Variants in ADAM22 observed in about 807,000 individuals in gnomAD.
The protein encoded by ADAM22 is ADAM metallopeptidase domain 22.
A neutral mutation model predicts 144.6 loss-of-function variants in ADAM22; 65 were observed. That is an observed-to-expected ratio of 0.45 (90% confidence interval 0.37 to 0.55). The LOEUF (loss-of-function observed/expected upper bound fraction) is 0.55. Ranked by LOEUF, ADAM22 falls within the 20% of genes least tolerant of loss-of-function variation. The pLI is 0.00. For missense variants in ADAM22, 974 were observed against 1,184.9 expected (o/e 0.82, Z 2.61); for synonymous variants, 391 against 412.6 (o/e 0.95, Z 0.63).
chr7:88,025,577 C>T (rs1798826007), intron 3 of ADAM22, among the ~76,000 whole-genome samples: 1 of 152,066 alleles, frequency 6.6e-6, no homozygotes, highest in Admixed American at 6.6e-5. Flanking sequence ...CGTTTCATTC[C>T]TCTATATGGA....
chr7:87,972,785 A>G (rs541508605), intron 2 of ADAM22, among the ~76,000 whole-genome samples: 111 of 152,264 alleles, frequency 7.3e-4, no homozygotes, highest in African/African-American at 2.4e-3. Context: ...CAGAAATAAC[A>G]CCGCATATCT....
intron 3 of ADAM22, among the ~76,000 whole-genome samples, chr7:88,011,151 A>G (rs1278935854): frequency 6.6e-6 from 1 of 152,252 alleles, no homozygotes; most frequent in East Asian, 1.9e-4. Flanking sequence ...CAGAGGGCTC[A>G]GAAACTTTCA....
chr7:88,137,109 G>A (rs1255670122), intron 14 of ADAM22, among the ~76,000 whole-genome samples: 1 of 152,110 alleles, frequency 6.6e-6, no homozygotes, highest in Non-Finnish European at 1.5e-5. Context: ...TGTATAGTAT[G>A]TATGTGTGTT....
chr7:87,941,369 C>T (rs1029095831), intron 2 of ADAM22, among the ~76,000 whole-genome samples: 2 of 152,166 alleles, frequency 1.3e-5, no homozygotes, highest in Non-Finnish European at 2.9e-5. Context: ...ATGAGCTGTA[C>T]TTTACATTGT....
At chr7:88,074,777 G>T (rs1250351892) in intron 3 of ADAM22, among the ~76,000 whole-genome samples, 3 of 152,076 alleles carry the variant, frequency 2.0e-5, no homozygotes, top group Non-Finnish European at 4.4e-5. Flanking sequence ...GCAATTGTAG[G>T]CATGGTGCTT....
At chr7:88,122,683 C>T (rs1255642437) in intron 7 of ADAM22, among the ~76,000 whole-genome samples, 1 of 152,124 alleles carries the variant, frequency 6.6e-6, no homozygotes, top group Non-Finnish European at 1.5e-5. Flanking sequence ...AAGTTATCTG[C>T]CCTATGTAGT....
At chr7:88,145,543 A>G in intron 17 of ADAM22, 36 bp downstream of exon 17, 1 of 1,501,124 alleles carries the variant, frequency 6.7e-7, no homozygotes, top group South Asian at 1.1e-5. Flanking sequence ...ACAGAAAAAA[A>G]GGACATACTT....
chr7:87,966,306 C>T (rs1182825572), intron 2 of ADAM22, among the ~76,000 whole-genome samples: 4 of 152,032 alleles, frequency 2.6e-5, no homozygotes, highest in Admixed American at 1.3e-4. Flanking sequence ...AATTATAGCT[C>T]GATACAACTA....
chr7:88,194,866 C>A (rs537216650), intron 31 of ADAM22, among the ~76,000 whole-genome samples: 1 of 152,266 alleles, frequency 6.6e-6, no homozygotes, highest in Admixed American at 6.5e-5. Context: ...AAGATCCTCA[C>A]AGTTCAGATA....
At chr7:88,159,309 C>T (rs981868076) in intron 22 of ADAM22, among the ~76,000 whole-genome samples, 1 of 152,134 alleles carries the variant, frequency 6.6e-6, no homozygotes, top group Non-Finnish European at 1.5e-5. Flanking sequence ...AGACTCACAG[C>T]TGAATTCTAC....
chr7:88,159,660 T>C (rs1841008290), intron 22 of ADAM22, among the ~76,000 whole-genome samples: 1 of 152,152 alleles, frequency 6.6e-6, no homozygotes, highest in Non-Finnish European at 1.5e-5. Context: ...AAAAACCACA[T>C]GATTATCTCA....
chr7:87,969,054 C>T (rs969698315), intron 2 of ADAM22, among the ~76,000 whole-genome samples: 2 of 152,176 alleles, frequency 1.3e-5, no homozygotes, highest in Non-Finnish European at 2.9e-5. Context: ...ATGATGTAGT[C>T]ACTGTGCACC....
intron 4 of ADAM22, among the ~76,000 whole-genome samples, chr7:88,099,492 CCTTTGCTTTGAAGGGAGATTGT>C (rs1049898920): frequency 6.6e-6 from 1 of 152,032 alleles, no homozygotes; most frequent in Non-Finnish European, 1.5e-5. Context: ...ACATGCCTGC[CCTTTGCTTTGAAGGGAGATTGT>C]CTCCATCTTC....
intron 25 of ADAM22, among the ~76,000 whole-genome samples, chr7:88,170,365 T>C (rs1844017297): frequency 6.6e-6 from 1 of 151,922 alleles, no homozygotes; most frequent in South Asian, 2.1e-4. Flanking sequence ...AAAACCCCAT[T>C]TAGAACCTGA....
At chr7:88,013,479 C>G (rs1168264360) in intron 3 of ADAM22, among the ~76,000 whole-genome samples, 1 of 152,138 alleles carries the variant, frequency 6.6e-6, no homozygotes, top group East Asian at 1.9e-4. Context: ...GGCTGGAGTG[C>G]AGTGATACAG....
chr7:88,130,569 C>A, intron 10 of ADAM22, 110 bp downstream of exon 10: 1 of 1,045,640 alleles, frequency 9.6e-7, no homozygotes, highest in Non-Finnish European at 1.4e-6. Flanking sequence ...TGCACTTCAG[C>A]CAAGGTGTCT....
At chr7:88,140,381 T>A (rs1834247979) in intron 14 of ADAM22, among the ~76,000 whole-genome samples, 1 of 152,044 alleles carries the variant, frequency 6.6e-6, no homozygotes, top group African/African-American at 2.4e-5. Context: ...GACCTAAGGG[T>A]CCACGGCAAC....
At chr7:87,990,416 T>TA (rs1789511405) in intron 3 of ADAM22, among the ~76,000 whole-genome samples, 1 of 152,170 alleles carries the variant, frequency 6.6e-6, no homozygotes, top group Non-Finnish European at 1.5e-5. Flanking sequence ...AAGTCTAACA[T>TA]ACACCAAATA....
chr7:88,012,748 G>T (rs1238729499), intron 3 of ADAM22, among the ~76,000 whole-genome samples: 2 of 152,076 alleles, frequency 1.3e-5, no homozygotes, highest in Non-Finnish European at 2.9e-5. Flanking sequence ...TTTTAAGTAG[G>T]CTCATCCCTC....
Sources: allele counts gnomAD v4.1 joint callset (sites outside exome capture counted in the v4.1 genomes callset), GRCh38; gene constraint gnomAD v4.1.1; transcripts MANE v1.5; gene names NCBI Gene and HGNC (gene_info 2026-07-23, HGNC 2026-07-21).